ASB10: variants seen among roughly 807,000 people sequenced by gnomAD.
The protein encoded by ASB10 is ankyrin repeat and SOCS box containing 10.
A neutral mutation model predicts 35.4 loss-of-function variants in ASB10; 44 were observed. The ratio of observed to expected loss-of-function variants is 1.24; its 90% confidence interval spans 0.98 to 1.60. ASB10 has a LOEUF of 1.60. Among genes scored for constraint, ASB10 ranks in the 40% most tolerant of loss-of-function variants. The pLI, the probability that ASB10 is intolerant of heterozygous loss-of-function variation, is 0.00. For missense variants in ASB10, 647 were observed against 634.3 expected (o/e 1.02, Z -0.22); for synonymous variants, 294 against 280.4 (o/e 1.05, Z -0.49).
At chr7:151,184,232 T>C (rs982315788) in intron 2 of ASB10, among the ~76,000 whole-genome samples, 3 of 151,562 alleles carry the variant, frequency 2.0e-5, no homozygotes, top group Admixed American at 1.3e-4. Flanking sequence ...GCTAACACGG[T>C]GAAACCCCGT....
chr7:151,175,940 C>T lies in ASB10; in HGVS notation c.*27G>A. 1 of 849,938 alleles carries T rather than the reference C, an allele frequency of 1.2e-6. No homozygotes were observed. Among genetic ancestry groups the T allele is most frequent in the Non-Finnish European group, 1.7e-6 (1 of 577,130 alleles). The allele number at this position is 849,938 out of a possible 1,614,324, so 52.6% of individuals were successfully genotyped here. ...CTCTGCAGGCTGGGGCATCTGCTTT[C>T]AGGCCCTCTCAAAAGGCCATGGACA... On this transcript the variant is annotated 3_prime_UTR_variant, in exon 6 of 6. Coordinates refer to ENST00000420175, the MANE Select transcript of ASB10 (RefSeq NM_001142459.2).
chr7:151,183,881 C>T lies in ASB10; in HGVS notation c.585-2423G>A, dbSNP rs534374748. On this transcript the variant is annotated intron_variant, in intron 2 of 5. Coordinates refer to ENST00000420175, the MANE Select transcript of ASB10 (RefSeq NM_001142459.2). ...GATTACAGGCGTGAGCCACTGCGCC[C>T]GGCCTCAATTTTATATTGATTACAT... Among the ~76,000 whole-genome samples the T allele has an allele frequency of 2.4e-4, 36 of 152,128 alleles. 1 individual carries two copies. The highest frequency in any genetic ancestry group is 1.8e-3 in the Admixed American group (27 of 15,284).
upstream of ASB10, chr7:151,187,337 G>C (rs1801620991): frequency 2.0e-6 from 3 of 1,524,040 alleles, no homozygotes; most frequent in Non-Finnish European, 2.7e-6. This position sits in a 1 kb window ranked among gnomAD's most constrained non-coding sequence, Gnocchi z 5.3. Flanking sequence ...GGCAAGCTTT[G>C]AGGTCGGGGA....
intron 4 of ASB10, 54 bp downstream of exon 4, chr7:151,176,509 G>A (rs995367980): frequency 2.0e-6 from 3 of 1,508,970 alleles, no homozygotes; most frequent in Non-Finnish European, 2.7e-6. Flanking sequence ...TTTAGCGGGT[G>A]GGAGTCTTGG....
chr7:151,184,732 G>A (rs951555221), intron 2 of ASB10, among the ~76,000 whole-genome samples: 1 of 151,898 alleles, frequency 6.6e-6, no homozygotes, highest in Non-Finnish European at 1.5e-5. Context: ...CTTAAAAATG[G>A]TTACAAAAGG....
At chr7:151,187,257 G>A, upstream of ASB10, 1 of 1,517,030 alleles carries the variant, frequency 6.6e-7, no homozygotes, top group Non-Finnish European at 8.9e-7. The surrounding 1 kb of genome is among the most constrained non-coding windows in gnomAD (Gnocchi z 5.3). Flanking sequence ...GGCTGACCTG[G>A]CCACGCATCC....
intron 2 of ASB10, 64 bp from the exon 3 acceptor site, chr7:151,181,522 G>T: frequency 6.7e-7 from 1 of 1,488,266 alleles, no homozygotes; most frequent in Non-Finnish European, 8.9e-7. Context: ...AACACACTTG[G>T]GTGGCTCTTG....
In ASB10 at chr7:151,186,622, G is replaced by A. The variant is rs1431784453; in HGVS notation, c.354C>T (p.Thr118=). Residue 118 remains threonine, a synonymous_variant, in exon 2 of 6, where the codon ACC becomes ACT. Transcript: ENST00000420175. ...WSLTYEEELT[T]PLHVAASRGH... is the part of the protein sequence containing the mutation. ...CACGGCTGGCTGCCACATGCAGTGG[G>A]GTGGTCAGCTCCTCTTCGTATGTCA... 1 of 1,611,304 alleles carries A rather than the reference G, an allele frequency of 6.2e-7. No homozygotes were observed. Among genetic ancestry groups the A allele is most frequent in the Non-Finnish European group, 8.5e-7 (1 of 1,179,262 alleles).
rs1801478150 is a variant in ASB10, at chr7:151,181,078, G to A, written c.965C>T (p.Thr322Ile). The A allele has an allele frequency of 6.2e-7, 1 of 1,612,428 alleles. No individual in the cohort carries two copies. The highest frequency in any genetic ancestry group is 8.5e-7 in the Non-Finnish European group (1 of 1,179,876). Residue 322 changes from threonine (T) to isoleucine (I), a missense_variant, in exon 3 of 6, where the codon ACC (threonine) becomes ATC (isoleucine). Physicochemically the swap from Thr to Ile is moderately conservative, Grantham distance 89. Coordinates refer to ENST00000420175, the MANE Select transcript of ASB10 (RefSeq NM_001142459.2). ...LLLSCGVSANTMDYGGHTPLH... is the reference protein window; with the variant it reads ...LLLSCGVSANIMDYGGHTPLH... ...GGGCGTGTGTCCCCCATAGTCCATG[G>A]TGTTGGCGCTGACACCACAGGACAG...
Position 151,187,125 on chromosome 7 carries a change from G to A in ASB10, c.6C>T (p.Leu2=). M[L]MSWSPEECKG... ...TGCACTCTTCTGGAGACCAACTCAT[G>A]AGCATGTGGGCAGGGAAAGGGGAGT... The change falls in exon 1 of 6, where the codon CTC becomes CTT. Residue 2 remains leucine (L), a synonymous_variant. Transcript: ENST00000420175. The surrounding 1 kb of genome is among the most constrained non-coding windows in gnomAD (Gnocchi z 5.3). 6.3e-7 allele frequency: 1 copy of A among 1,584,618 alleles called. No homozygotes were observed.
At chr7:151,186,694 G>A (rs764314503) in intron 1 of ASB10, 35 bp from the exon 2 acceptor site, 1 of 1,575,946 alleles carries the variant, frequency 6.3e-7, no homozygotes, top group African/African-American at 1.3e-5. Context: ...AGATCCCCAG[G>A]GAAGGCAGAG....
intron 1 of ASB10, 62 bp from the exon 2 acceptor site, chr7:151,186,721 G>T (rs1801602595): frequency 6.4e-7 from 1 of 1,553,024 alleles, no homozygotes; most frequent in Non-Finnish European, 8.7e-7. Context: ...CAGCCAATGG[G>T]GTGAGGTGGG....
intron 2 of ASB10, among the ~76,000 whole-genome samples, chr7:151,185,962 T>A (rs2150560202): frequency 6.6e-6 from 1 of 152,176 alleles, no homozygotes; most frequent in South Asian, 2.1e-4. Flanking sequence ...GGGGCCACCA[T>A]CCTCTACTCC....
chr7:151,178,142 G>A (rs1316021425), intron 3 of ASB10, among the ~76,000 whole-genome samples: 2 of 152,254 alleles, frequency 1.3e-5, no homozygotes, highest in African/African-American at 4.8e-5. Context: ...CCAGCTATTT[G>A]GGAGGCTAAG....
In ASB10 at chr7:151,184,184, TG is replaced by T. The variant is rs1801544153; in HGVS notation, c.584+2207del. On this transcript the variant is annotated intron_variant, in intron 2 of 5. Transcript: ENST00000420175. ...ATCCCAGCACTTTGGGAGGCCGAGG[TG>T]GGTGGATCACAAGGTCAGGAGATCG... is the stretch of plus-strand genomic sequence containing the variant. Among the ~76,000 whole-genome samples the T allele has an allele frequency of 2.0e-5, 3 of 150,830 alleles. No homozygotes were observed. In the South Asian group the frequency reaches 6.3e-4, roughly 32 times the overall value.
chr7:151,177,887 C>T (rs1053184630), intron 3 of ASB10, among the ~76,000 whole-genome samples: 11 of 152,222 alleles, frequency 7.2e-5, no homozygotes, highest in Admixed American at 2.6e-4. Flanking sequence ...CATCCAAGAG[C>T]TTCTATTTCA....
At chr7:151,187,477 C>T (rs1222121085), upstream of ASB10, 1 of 1,551,306 alleles carries the variant, frequency 6.4e-7, no homozygotes, top group Admixed American at 2.0e-5. This position sits in a 1 kb window ranked among gnomAD's most constrained non-coding sequence, Gnocchi z 5.3. Flanking sequence ...TCCAGCGAGG[C>T]TCTGCGGCCC....
chr7:151,186,058 A>G (rs990985943), intron 2 of ASB10, among the ~76,000 whole-genome samples: 1 of 152,160 alleles, frequency 6.6e-6, no homozygotes, highest in Admixed American at 6.5e-5. Context: ...TGCCTGGAAC[A>G]TAGGATAAGC....
chr7:151,187,209 TACAG>T lies in ASB10; in HGVS notation c.-83_-80del, dbSNP rs1202115008. On this transcript the variant is annotated 5_prime_UTR_variant, in exon 1 of 6. Coordinates refer to ENST00000420175, the MANE Select transcript of ASB10 (RefSeq NM_001142459.2). The surrounding 1 kb of genome is among the most constrained non-coding windows in gnomAD (Gnocchi z 5.3). Reference sequence around the variant, plus strand: ...AGAGAGAGAGAGAGCAGGAGGGAAATACAGACAGACAGAAGGCCCCTGTGTCCCA... The same window carrying T: ...AGAGAGAGAGAGAGCAGGAGGGAAATACAGACAGAAGGCCCCTGTGTCCCA... 2.6e-6 allele frequency: 4 copies of T among 1,541,998 alleles called. No individual in the cohort carries two copies. The Admixed American group carries it at 5.9e-5, about 23-fold the overall frequency.
Sources: allele counts gnomAD v4.1 joint callset (sites outside exome capture counted in the v4.1 genomes callset), GRCh38; gene constraint gnomAD v4.1.1; non-coding constraint Gnocchi (gnomAD v3.1); transcripts MANE v1.5; gene names NCBI Gene and HGNC (gene_info 2026-07-23, HGNC 2026-07-21).